TDRD9: variants seen among roughly 807,000 people sequenced by gnomAD.
The protein encoded by TDRD9 is ATP-dependent RNA helicase TDRD9.
A neutral mutation model predicts 172.6 loss-of-function variants in TDRD9; 124 were observed. The ratio of observed to expected loss-of-function variants is 0.72; its 90% CI spans 0.62 to 0.83. The LOEUF (loss-of-function observed/expected upper bound fraction) is 0.83, where lower values mean the gene tolerates loss of function less well. Ranked by LOEUF, TDRD9 falls within the 40% of genes least tolerant of loss-of-function variation. The pLI, the probability that TDRD9 is intolerant of heterozygous loss-of-function variation, is 0.00. For synonymous variants in TDRD9, 619 were observed against 617.1 expected (o/e 1.00, Z -0.05); for missense variants, 1,479 against 1,714.1 (o/e 0.86, Z 2.42).
intron 1 of TDRD9, among the ~76,000 whole-genome samples, chr14:103,947,513 A>G (rs978742345): frequency 8.6e-5 from 13 of 151,974 alleles, no homozygotes; most frequent in African/African-American, 2.9e-4. Context: ...TATTTTTAGT[A>G]GAGATGGGGT....
At chr14:103,965,285 T>G in intron 3 of TDRD9, 48 bp from the exon 4 acceptor site, 2 of 1,495,272 alleles carry the variant, frequency 1.3e-6, no homozygotes, top group Non-Finnish European at 1.8e-6. Flanking sequence ...GGTGATACTT[T>G]ACATTGCCAT....
At chr14:103,956,887 T>A (rs2032274793) in intron 2 of TDRD9, among the ~76,000 whole-genome samples, 1 of 152,178 alleles carries the variant, frequency 6.6e-6, no homozygotes, top group Non-Finnish European at 1.5e-5. Flanking sequence ...TGATTTTTTT[T>A]GCTTTATGAG....
At chr14:103,942,840 A>G (rs1189235102) in intron 1 of TDRD9, among the ~76,000 whole-genome samples, 3 of 152,252 alleles carry the variant, frequency 2.0e-5, no homozygotes, top group Non-Finnish European at 1.5e-5. Flanking sequence ...GGTTTTTTCA[A>G]AATAGTTAAA....
At chr14:103,992,822 G>T (rs191380014) in intron 9 of TDRD9, among the ~76,000 whole-genome samples, 2,229 of 150,682 alleles carry the variant, frequency 0.015, 66 homozygotes, top group African/African-American at 0.052. Flanking sequence ...CTATTCGGAA[G>T]GCTGAGGCAG....
chr14:103,950,108 T>G (rs1303464882), intron 1 of TDRD9, among the ~76,000 whole-genome samples: 7 of 146,630 alleles, frequency 4.8e-5, no homozygotes, highest in South Asian at 2.2e-4. Context: ...TTTTTTTTTT[T>G]GATGGAGTTT....
intron 22 of TDRD9, among the ~76,000 whole-genome samples, chr14:104,017,192 T>C (rs993135614): frequency 2.6e-5 from 4 of 152,066 alleles, no homozygotes; most frequent in African/African-American, 9.7e-5. Context: ...TCTATAGGTC[T>C]CTTCCTCAGA....
intron 34 of TDRD9, among the ~76,000 whole-genome samples, chr14:104,043,976 G>T (rs1202946256): frequency 6.6e-6 from 1 of 152,172 alleles, no homozygotes; most frequent in African/African-American, 2.4e-5. Context: ...GCCATGTGTG[G>T]GAAGATCTTT....
rs1673332708 is a variant in TDRD9, at chr14:104,042,179, GC to G, written c.3967del (p.Leu1323PhefsTer2). The G allele has an allele frequency of 6.2e-7, 1 of 1,610,418 alleles. No individual in the cohort carries two copies. The highest frequency in any genetic ancestry group is 1.7e-5 in the Admixed American group (1 of 59,988). On this transcript the variant is annotated frameshift_variant, in exon 34 of 36. Coordinates refer to ENST00000409874, the MANE Select transcript of TDRD9 (RefSeq NM_153046.3). LOFTEE classifies it high-confidence loss of function. Reference protein sequence around the residue: ...AQLQDIARQKLLGLFCQSKPR... With the variant: ...AQLQDIARQKXLGLFCQSKPR... ...AGCTTCAAGACATTGCCCGTCAGAA[GC>G]TTTTAGGGTAAGCTGTGTGATGACG...
At chr14:103,956,103 AAAAAAAAAAT>A (rs1310103131) in intron 2 of TDRD9, among the ~76,000 whole-genome samples, 35 of 50,214 alleles carry the variant, frequency 7.0e-4, no homozygotes, top group Non-Finnish European at 1.0e-3. Context: ...AAAAAAAAAA[AAAAAAAAAAT>A]ATATATATAT....
chr14:103,930,840 C>T (rs1353930025), intron 1 of TDRD9, among the ~76,000 whole-genome samples: 1 of 152,054 alleles, frequency 6.6e-6, no homozygotes, highest in African/African-American at 2.4e-5. Context: ...TTATTATTGA[C>T]CTTGTCAGAA....
intron 13 of TDRD9, among the ~76,000 whole-genome samples, chr14:104,000,376 GA>G (rs1343021715): frequency 2.0e-5 from 3 of 150,642 alleles, no homozygotes; most frequent in Non-Finnish European, 4.4e-5. Flanking sequence ...CATCACTTTG[GA>G]AAAAACTTAA....
rs915459737 is a variant in TDRD9, at chr14:103,962,974, G to GTT, written c.323-104_323-103insTT. Reference sequence around the variant, plus strand: ...TGTATTTTTGTATTTGAGTGTGTGTGTGTGTGTGTGTGTGTGTGTATGCTG... The same window carrying GTT: ...TGTATTTTTGTATTTGAGTGTGTGTGTTTGTGTGTGTGTGTGTGTGTATGCTG... On this transcript the variant is annotated intron_variant, in intron 2 of 35. Coordinates refer to ENST00000409874, the MANE Select transcript of TDRD9 (RefSeq NM_153046.3). The GTT allele has an allele frequency of 5.5e-5, 34 of 623,402 alleles. No homozygotes were observed. In the Middle Eastern group the frequency reaches 1.5e-3, roughly 27 times the overall value. The allele number at this position is 623,402 out of a possible 1,614,324, so 38.6% of individuals were successfully genotyped here.
chr14:104,049,116 ATGTATG>A (rs1356184811), intron 34 of TDRD9, among the ~76,000 whole-genome samples: 19 of 23,122 alleles, frequency 8.2e-4, no homozygotes, highest in South Asian at 3.5e-3. Flanking sequence ...GTATGTATGT[ATGTATG>A]TGTGTGTGTG....
At chr14:104,030,275 C>T (rs890625687) in intron 28 of TDRD9, among the ~76,000 whole-genome samples, 3 of 152,178 alleles carry the variant, frequency 2.0e-5, no homozygotes, top group East Asian at 1.9e-4. Flanking sequence ...GGCAGATCAC[C>T]TGAGGTCAGG....
At chr14:104,021,257 C>T (rs2034945473) in intron 23 of TDRD9, among the ~76,000 whole-genome samples, 1 of 152,152 alleles carries the variant, frequency 6.6e-6, no homozygotes, top group Non-Finnish European at 1.5e-5. Context: ...ATCGCGCTCA[C>T]AATCCGGTCA....
intron 28 of TDRD9, among the ~76,000 whole-genome samples, chr14:104,030,132 A>T (rs2035237831): frequency 6.6e-6 from 1 of 152,204 alleles, no homozygotes. Context: ...AAAATTTTAC[A>T]TACAAAAAAG....
At chr14:103,938,782 T>A (rs887882202) in intron 1 of TDRD9, among the ~76,000 whole-genome samples, 1 of 152,070 alleles carries the variant, frequency 6.6e-6, no homozygotes, top group Non-Finnish European at 1.5e-5. Flanking sequence ...CTTTAGGTAT[T>A]ATAAATAGCC....
chr14:103,939,027 G>T (rs554512677), intron 1 of TDRD9, among the ~76,000 whole-genome samples: 39 of 151,884 alleles, frequency 2.6e-4, no homozygotes, highest in Non-Finnish European at 4.9e-4. Context: ...ATTGCATGTG[G>T]GTGACTTAGA....
At chr14:103,998,575 A>G (rs1257442877) in intron 12 of TDRD9, 49 bp from the exon 13 acceptor site, 4 of 983,710 alleles carry the variant, frequency 4.1e-6, no homozygotes, top group Admixed American at 3.7e-5. Flanking sequence ...TTATTATGCA[A>G]TGATCTCTTA....
Sources: allele counts gnomAD v4.1 joint callset (sites outside exome capture counted in the v4.1 genomes callset), GRCh38; gene constraint gnomAD v4.1.1; transcripts MANE v1.5; gene names NCBI Gene and HGNC (gene_info 2026-07-23, HGNC 2026-07-21).